The following CARNMT1 variants were observed in gnomAD, a reference collection of about 807,000 sequenced individuals.
The protein encoded by CARNMT1 is carnosine N-methyltransferase 1.
CARNMT1 carries 28 observed loss-of-function variants against 49.6 expected under a neutral mutation model. The ratio of observed to expected loss-of-function variants is 0.56; its 90% CI spans 0.42 to 0.77. CARNMT1 has a LOEUF of 0.77. Ranked by LOEUF, CARNMT1 falls within the 30% of genes least tolerant of loss-of-function variation. The pLI is 0.00. For synonymous variants in CARNMT1, 178 were observed against 175.0 expected, an observed-to-expected ratio of 1.02 and a Z score of -0.13; for missense variants, 421 against 512.6, an observed-to-expected ratio of 0.82 and a Z score of 1.73.
rs1223634099 is a variant in CARNMT1 at position 75,028,174 on chromosome 9, C to A, written c.68G>T (p.Gly23Val). 2 of 1,521,004 alleles carry A rather than the reference C, an allele frequency of 1.3e-6. No individual in the cohort carries two copies. The highest frequency in any genetic ancestry group is 1.8e-6 in the Non-Finnish European group (2 of 1,135,374). 94.2% of individuals were successfully genotyped at this position (1,521,004 alleles called of 1,614,324 possible). ...CTGCACTTCCACCTCCTCGCTGCCA[C>A]CGCCTCCTCCCCCGCAGCCCTCGGG... Reference protein sequence around the residue: ...RLPEGCGGGGGGSEEVEVQFS... With the variant: ...RLPEGCGGGGVGSEEVEVQFS... The change falls in exon 1 of 8, where the codon GGT becomes GTT. Residue 23 changes from glycine (G) to valine (V), a missense_variant. Physicochemically the swap from Gly to Val is moderately radical, Grantham distance 109. Transcript: ENST00000376834.
At chr9:75,003,050 A>C (rs1255967140) in intron 3 of CARNMT1, among the ~76,000 whole-genome samples, 1 of 152,104 alleles carries the variant, frequency 6.6e-6, no homozygotes, top group African/African-American at 2.4e-5. Context: ...AAATTTTTTT[A>C]TTCATCATAG....
rs1832704934 is a variant in CARNMT1 at position 74,982,010 on chromosome 9, AAG to A, written c.*1755_*1756del. On this transcript the variant is annotated 3_prime_UTR_variant, in exon 8 of 8. Transcript: ENST00000376834. ...CTGCTAAGTATTGAGGGACACAAAAAAGAGAAATCTTAAAAAAAAAAAAAAAA... is the reference window on the plus strand; with the variant it reads ...CTGCTAAGTATTGAGGGACACAAAAAAGAAATCTTAAAAAAAAAAAAAAAA... 1.3e-5 allele frequency: 2 copies of A among 151,696 alleles called. No individual in the cohort carries two copies. Among genetic ancestry groups the A allele is most frequent in the African/African-American group, 2.4e-5 (1 of 41,362 alleles). 9.4% of individuals were successfully genotyped at this position (151,696 alleles called of 1,614,324 possible).
chr9:75,010,476 G>C (rs903606119), intron 3 of CARNMT1, among the ~76,000 whole-genome samples: 8 of 152,112 alleles, frequency 5.3e-5, no homozygotes, highest in African/African-American at 1.7e-4. Flanking sequence ...AATAATCAGT[G>C]AAGTTGAAGT....
In CARNMT1 at chr9:74,981,318, G is replaced by A. The variant is rs529385252; in HGVS notation, c.*2449C>T. On this transcript the variant is annotated 3_prime_UTR_variant, in exon 8 of 8. Transcript: ENST00000376834. ...AATTAAACAAAAAAACATAAGCACA[G>A]TGGACTATCTCCTCCCATTTCATAA... is the stretch of plus-strand genomic sequence containing the variant. 6.6e-6 allele frequency: 1 copy of A among 152,226 alleles called. No homozygotes were observed. The highest frequency in any genetic ancestry group is 2.4e-5 in the African/African-American group (1 of 41,564). The allele number at this position is 152,226 out of a possible 1,614,324, so 9.4% of individuals were successfully genotyped here. A position where few individuals can be genotyped will look rare whatever the true frequency, so the allele number is the denominator to read the frequency against.
intron 6 of CARNMT1, among the ~76,000 whole-genome samples, chr9:74,990,586 C>G (rs1319917875): frequency 6.6e-6 from 1 of 152,146 alleles, no homozygotes; most frequent in East Asian, 1.9e-4. Context: ...ATATTTCCTA[C>G]CCTGTTTGCC....
At chr9:75,002,744 TTC>T (rs1833399478) in intron 3 of CARNMT1, among the ~76,000 whole-genome samples, 1 of 152,064 alleles carries the variant, frequency 6.6e-6, no homozygotes, top group African/African-American at 2.4e-5. Flanking sequence ...AGTATTGAAT[TTC>T]TTTTTTTTAA....
intron 1 of CARNMT1, among the ~76,000 whole-genome samples, chr9:75,023,659 T>C (rs1822442327): frequency 6.6e-6 from 1 of 152,220 alleles, no homozygotes; most frequent in African/African-American, 2.4e-5. Context: ...GGGGCTAACT[T>C]CACTATCCTG....
Position 74,982,401 on chromosome 9 carries a change from A to G in CARNMT1, c.*1366T>C, listed in dbSNP as rs926627132. 5 of 152,218 alleles carry G rather than the reference A, an allele frequency of 3.3e-5. No individual in the cohort carries two copies. Among genetic ancestry groups the G allele is most frequent in the Admixed American group, 3.3e-4 (5 of 15,282 alleles). 9.4% of individuals were successfully genotyped at this position (152,218 alleles called of 1,614,324 possible). A position where few individuals can be genotyped will look rare whatever the true frequency, so the allele number is the denominator to read the frequency against. On this transcript the variant is annotated 3_prime_UTR_variant, in exon 8 of 8. Coordinates refer to ENST00000376834, the MANE Select transcript of CARNMT1 (RefSeq NM_152420.3). ...AAAACATTAGTCATCTCTACTTTCC[A>G]AGCTACTGGAAACAGAATATCATAC... is the stretch of plus-strand genomic sequence containing the variant.
intron 3 of CARNMT1, among the ~76,000 whole-genome samples, chr9:75,013,851 T>TA (rs1415328764): frequency 6.6e-6 from 1 of 151,166 alleles, no homozygotes; most frequent in Non-Finnish European, 1.5e-5. Context: ...CAAAAAATAC[T>TA]AAAAAATTAG....
In CARNMT1 at chr9:74,983,874, A is replaced by C; in HGVS notation, c.1129-6T>G. 1 of 1,580,550 alleles carries C rather than the reference A, an allele frequency of 6.3e-7. No homozygotes were observed. The highest frequency in any genetic ancestry group is 8.6e-7 in the Non-Finnish European group (1 of 1,159,868). The stretch of plus-strand genomic sequence containing the variant: ...AATACAGATTCTTTTTCCACCTGCA[A>C]TGCAAACAATAATCATAATACTATG... On this transcript the variant is annotated splice_polypyrimidine_tract_variant and splice_region_variant and intron_variant, in intron 7 of 7. Transcript: ENST00000376834.
intron 3 of CARNMT1, among the ~76,000 whole-genome samples, chr9:75,008,430 C>G (rs1833586241): frequency 6.6e-6 from 1 of 152,214 alleles, no homozygotes; most frequent in African/African-American, 2.4e-5. Context: ...CTCCTGAGTT[C>G]AAGCAATTCT....
In CARNMT1 at chr9:74,984,852, T is replaced by C. The variant is rs532805008; in HGVS notation, c.1128+55A>G. ...TCACTAACAGCCATGATATCAACAC[T>C]TCTGTTGAGGTGCTTTGGGAGTTAA... is the stretch of plus-strand genomic sequence containing the variant. On this transcript the variant is annotated intron_variant, in intron 7 of 7. Transcript: ENST00000376834. The C allele has an allele frequency of 2.6e-4, 295 of 1,121,042 alleles. 1 individual carries two copies. The highest frequency in any genetic ancestry group is 3.5e-4 in the Non-Finnish European group (261 of 735,588). 69.4% of individuals were successfully genotyped at this position (1,121,042 alleles called of 1,614,324 possible). A position where few individuals can be genotyped will look rare whatever the true frequency, so the allele number is the denominator to read the frequency against.
Position 74,996,427 on chromosome 9 carries a change from G to A in CARNMT1, c.1024+20C>T. ...ACTCAGATTAATATACAAAATTTTA[G>A]TAAATACTAAAAAACTTACCTAGAT... On this transcript the variant is annotated intron_variant, in intron 6 of 7. Coordinates refer to ENST00000376834, the MANE Select transcript of CARNMT1 (RefSeq NM_152420.3). 2 of 1,334,822 alleles carry A rather than the reference G, an allele frequency of 1.5e-6. No individual in the cohort carries two copies. Among genetic ancestry groups the A allele is most frequent in the South Asian group, 1.2e-5 (1 of 80,738 alleles). 82.7% of individuals were successfully genotyped at this position (1,334,822 alleles called of 1,614,324 possible).
rs1187578325 is a variant in CARNMT1, at chr9:74,989,166, C to T, written c.1025-4156G>A. Among the ~76,000 whole-genome samples, 3 of 152,090 alleles carry T rather than the reference C, an allele frequency of 2.0e-5. No individual in the cohort carries two copies. In the East Asian group the frequency reaches 5.8e-4, roughly 29 times the overall value. On this transcript the variant is annotated intron_variant, in intron 6 of 7. Transcript: ENST00000376834. ...TTGCTCTGTCACCCAGGTTGAAGTA[C>T]AATGGCATAGGCATAGTTCACTGCA...
intron 2 of CARNMT1, 189 bp from the exon 3 acceptor site, chr9:75,016,620 T>C (rs1833864036): frequency 3.6e-6 from 2 of 554,762 alleles, no homozygotes; most frequent in Admixed American, 3.4e-5. Context: ...ACTGCTACCC[T>C]CAAAAGATTA....
At chr9:75,002,607 AT>A (rs988226541) in intron 3 of CARNMT1, among the ~76,000 whole-genome samples, 9 of 152,244 alleles carry the variant, frequency 5.9e-5, no homozygotes, top group African/African-American at 2.2e-4. Flanking sequence ...TTTAAAAAAT[AT>A]GGCTGCCCTG....
chr9:74,986,807 T>G (rs1290821585), intron 6 of CARNMT1, among the ~76,000 whole-genome samples: 1 of 152,232 alleles, frequency 6.6e-6, no homozygotes, highest in Non-Finnish European at 1.5e-5. Flanking sequence ...AACACTCATT[T>G]AATGCTGTGT....
intron 3 of CARNMT1, among the ~76,000 whole-genome samples, chr9:75,004,012 A>C (rs546758325): frequency 5.3e-5 from 8 of 152,338 alleles, no homozygotes; most frequent in African/African-American, 1.9e-4. Context: ...AATTGCTGGG[A>C]CTACAGGCCC....
chr9:75,002,274 C>T (rs1833381085), intron 3 of CARNMT1, among the ~76,000 whole-genome samples: 1 of 152,192 alleles, frequency 6.6e-6, no homozygotes, highest in African/African-American at 2.4e-5. Context: ...ACGATCTTTG[C>T]ACTGCAGTTG....
Sources: allele counts gnomAD v4.1 joint callset (sites outside exome capture counted in the v4.1 genomes callset), GRCh38; gene constraint gnomAD v4.1.1; transcripts MANE v1.5; gene names NCBI Gene and HGNC (gene_info 2026-07-23, HGNC 2026-07-21).